Variants in RUVBL1 observed in about 807,000 individuals in gnomAD.
RUVBL1 encodes ruvB-like 1.
A neutral mutation model predicts 52.4 loss-of-function variants in RUVBL1; 4 were observed. That is an observed-to-expected ratio of 0.08 (90% CI 0.04 to 0.17). The LOEUF is 0.17. Among genes scored for constraint, RUVBL1 ranks in the 10% least tolerant of loss-of-function variants. The pLI is 1.00. For missense variants in RUVBL1, 298 were observed against 572.8 expected, an observed-to-expected ratio of 0.52 and a Z score of 4.90; for synonymous variants, 217 against 214.4, an observed-to-expected ratio of 1.01 and a Z score of -0.10.
At chr3:128,147,327 C>G (rs1156535428) in intron 1 of RUVBL1, among the ~76,000 whole-genome samples, 1 of 152,112 alleles carries the variant, frequency 6.6e-6, no homozygotes, top group Non-Finnish European at 1.5e-5. Flanking sequence ...ACCTTGGCCT[C>G]CCAAAATGCT....
Position 128,082,760 on chromosome 3 carries a change from T to A in RUVBL1, c.1120-186A>T. On this transcript the variant is annotated intron_variant, in intron 9 of 10. Transcript: ENST00000322623. The surrounding 1 kb of genome is among the most constrained non-coding windows in gnomAD (Gnocchi z 4.7). ...GGCCCGGCACCCTCCAGGAGGCATGTGCGGCCCTGCAGTATGCATGAATAG... is the reference window on the plus strand; with the variant it reads ...GGCCCGGCACCCTCCAGGAGGCATGAGCGGCCCTGCAGTATGCATGAATAG... 1 of 551,838 alleles carries A rather than the reference T, an allele frequency of 1.8e-6. No homozygotes were observed. Among genetic ancestry groups the A allele is most frequent in the East Asian group, 3.1e-5 (1 of 32,202 alleles). 34.2% of individuals were successfully genotyped at this position (551,838 alleles called of 1,614,324 possible).
chr3:128,151,763 G>A (rs1331975460), intron 1 of RUVBL1, among the ~76,000 whole-genome samples: 1 of 152,130 alleles, frequency 6.6e-6, no homozygotes, highest in African/African-American at 2.4e-5. Flanking sequence ...ATTTGAGAGG[G>A]ACACAATTCA....
chr3:128,067,342 T>C lies in RUVBL1; in HGVS notation c.940-2122A>G, dbSNP rs1021576869. The C allele has an allele frequency of 1.8e-5, 27 of 1,463,136 alleles. No individual in the cohort carries two copies. The highest frequency in any genetic ancestry group is 2.5e-5 in the Non-Finnish European group (27 of 1,075,310). The allele number at this position is 1,463,136 out of a possible 1,614,324, so 90.6% of individuals were successfully genotyped here. A position where few individuals can be genotyped will look rare whatever the true frequency, so the allele number is the denominator to read the frequency against. On this transcript the variant is annotated intron_variant, in intron 9 of 9. Coordinates refer to the RUVBL1 transcript ENST00000464873. This position sits in a 1 kb window ranked among gnomAD's most constrained non-coding sequence, Gnocchi z 4.1. ...CACCGAGTAAAATTGCATTCTTTCA[T>C]CTGCTCAGAACTATTTTTGCCTTGA...
Position 128,101,681 on chromosome 3 carries a change from A to G in RUVBL1, c.514-33T>C, listed in dbSNP as rs777367304. On this transcript the variant is annotated intron_variant, in intron 4 of 10. Transcript: ENST00000322623. Reference sequence around the variant, plus strand: ...AAAAAATGTAAATCAGAAGTGTAATACATATTCCATTTCCTTCTGACACCA... The same window carrying G: ...AAAAAATGTAAATCAGAAGTGTAATGCATATTCCATTTCCTTCTGACACCA... The G allele has an allele frequency of 4.4e-6, 7 of 1,595,738 alleles. No individual in the cohort carries two copies. In the South Asian group the frequency reaches 6.6e-5, roughly 15 times the overall value.
intron 3 of RUVBL1, among the ~76,000 whole-genome samples, chr3:128,110,772 G>A (rs1188883094): frequency 2.6e-5 from 4 of 152,130 alleles, no homozygotes; most frequent in Non-Finnish European, 5.9e-5. Context: ...CAAGGAGGCA[G>A]AAATGAGCAC....
At chr3:128,112,373 C>G (rs755404304) in intron 3 of RUVBL1, among the ~76,000 whole-genome samples, 8 of 152,218 alleles carry the variant, frequency 5.3e-5, no homozygotes, top group Non-Finnish European at 8.8e-5. Context: ...AGGCCTGGCT[C>G]ATCACAGGCA....
Position 128,097,319 on chromosome 3 carries a change from G to C in RUVBL1, c.997C>G (p.Arg333Gly). 6.2e-7 allele frequency: 1 copy of C among 1,614,134 alleles called. No homozygotes were observed. The highest frequency in any genetic ancestry group is 8.5e-7 in the Non-Finnish European group (1 of 1,180,016). ...IAPIVIFASN[R>G]GNCVIRGTED... The stretch of plus-strand genomic sequence containing the variant: ...TCCTACCTGATGACACAGTTGCCTC[G>C]GTTGGATGCAAAGATGACGATGGGA... The change falls in exon 8 of 11, where the codon CGA (arginine) becomes GGA (glycine). Residue 333 changes from arginine (R) to glycine (G), a missense_variant. Physicochemically the swap from Arg to Gly is moderately radical, Grantham distance 125. Coordinates refer to ENST00000322623, the MANE Select transcript of RUVBL1 (RefSeq NM_003707.3).
At chr3:128,093,349 G>A (rs1942892145) in intron 8 of RUVBL1, among the ~76,000 whole-genome samples, 1 of 152,128 alleles carries the variant, frequency 6.6e-6, no homozygotes, top group African/African-American at 2.4e-5. Context: ...AGAAGGGGAC[G>A]ATGACTATTG....
exon 1 of RUVBL1, chr3:128,153,283 G>A (rs1227993930): frequency 1.5e-6 from 2 of 1,355,696 alleles, no homozygotes; most frequent in Non-Finnish European, 9.4e-7. Context: ...GAGGAGCCAC[G>A]TGAGAGAGAA....
chr3:128,137,055 C>T (rs1943958635), intron 1 of RUVBL1, among the ~76,000 whole-genome samples: 1 of 152,104 alleles, frequency 6.6e-6, no homozygotes, highest in South Asian at 2.1e-4. Context: ...ATGGATCATT[C>T]TTAAGGATAG....
At chr3:128,141,486 TTTC>T (rs1944020046) in intron 1 of RUVBL1, among the ~76,000 whole-genome samples, 1 of 151,104 alleles carries the variant, frequency 6.6e-6, no homozygotes, top group South Asian at 2.1e-4. Context: ...ATGGACTTTT[TTTC>T]TTTTCTTTTC....
chr3:128,079,422 G>C (rs149278690), downstream of RUVBL1, among the ~76,000 whole-genome samples: 33 of 152,372 alleles, frequency 2.2e-4, no homozygotes, highest in African/African-American at 7.0e-4. Flanking sequence ...AAGTGGTCTT[G>C]GAAGTGGGCT....
exon 1 of RUVBL1, chr3:128,153,732 C>T: frequency 6.5e-7 from 1 of 1,550,354 alleles, no homozygotes; most frequent in East Asian, 2.5e-5. Flanking sequence ...AGGCAGCGCC[C>T]GAGGCCGAGC....
intron 2 of RUVBL1, among the ~76,000 whole-genome samples, chr3:128,117,367 T>C (rs963494542): frequency 6.6e-6 from 1 of 152,216 alleles, no homozygotes; most frequent in Non-Finnish European, 1.5e-5. Flanking sequence ...TTATGGAAAC[T>C]GCTCTGTGCA....
chr3:128,067,554 G>T lies in RUVBL1; in HGVS notation c.940-2334C>A, dbSNP rs764844008. 1 of 1,613,690 alleles carries T rather than the reference G, an allele frequency of 6.2e-7. No homozygotes were observed. The highest frequency in any genetic ancestry group is 1.1e-5 in the South Asian group (1 of 90,954). On this transcript the variant is annotated intron_variant, in intron 9 of 9. Transcript: ENST00000464873. The surrounding 1 kb of genome is among the most constrained non-coding windows in gnomAD (Gnocchi z 4.1). ...GTTGTATACATAGTGTTCATGCTGGGCTCCTGTGCATTCTTCTCCAAAACG... is the reference window on the plus strand; with the variant it reads ...GTTGTATACATAGTGTTCATGCTGGTCTCCTGTGCATTCTTCTCCAAAACG...
intron 9 of RUVBL1, among the ~76,000 whole-genome samples, chr3:128,085,353 G>A (rs1474245741): frequency 1.3e-5 from 2 of 152,202 alleles, no homozygotes; most frequent in Non-Finnish European, 2.9e-5. Context: ...CATCTGTGCT[G>A]GGCTGCCTTT....
At chr3:128,133,222 G>A (rs757851812) in intron 1 of RUVBL1, among the ~76,000 whole-genome samples, 18 of 152,218 alleles carry the variant, frequency 1.2e-4, no homozygotes, top group Non-Finnish European at 1.8e-4. Context: ...CTCGGCTACA[G>A]TAGACTAGAG....
At chr3:128,071,142 T>G (rs1029917605) in intron 9 of RUVBL1, 4 of 152,354 alleles carry the variant, frequency 2.6e-5, no homozygotes, top group African/African-American at 7.2e-5. Flanking sequence ...TTGCTGGCAG[T>G]GCTAGCCAGG....
chr3:128,123,507 GAGC>G, intron 1 of RUVBL1, 74 bp downstream of exon 1: 2 of 1,413,450 alleles, frequency 1.4e-6, no homozygotes, highest in Non-Finnish European at 1.9e-6. Context: ...ATCCCGCCCC[GAGC>G]CACCGACTTC....
Sources: allele counts gnomAD v4.1 joint callset (sites outside exome capture counted in the v4.1 genomes callset), GRCh38; gene constraint gnomAD v4.1.1; non-coding constraint Gnocchi (gnomAD v3.1); transcripts MANE v1.5; gene names NCBI Gene and HGNC (gene_info 2026-07-23, HGNC 2026-07-21).